The following PLXNA4 variants were observed in gnomAD, a reference collection of about 807,000 sequenced individuals.
PLXNA4 encodes plexin-A4.
Under a neutral mutation model 191.8 loss-of-function variants are expected in PLXNA4, and 44 were observed. That is an observed-to-expected ratio of 0.23 (90% CI 0.18 to 0.29). The LOEUF (loss-of-function observed/expected upper bound fraction) is 0.29. Among genes scored for constraint, PLXNA4 ranks in the 10% least tolerant of loss-of-function variants. The pLI is 1.00. For synonymous variants in PLXNA4, 1,082 were observed against 1,009.5 expected, an observed-to-expected ratio of 1.07 and a Z score of -1.36; for missense variants, 1,800 against 2,488.8, an observed-to-expected ratio of 0.72 and a Z score of 5.89.
intron 2 of PLXNA4, among the ~76,000 whole-genome samples, chr7:132,624,567 C>T (rs1160385571): frequency 1.3e-5 from 2 of 152,136 alleles, no homozygotes; most frequent in African/African-American, 4.8e-5. Flanking sequence ...AATTCAAAGC[C>T]CAAGTCCTAC....
At chr7:132,635,826 A>G (rs1056102975) in intron 2 of PLXNA4, among the ~76,000 whole-genome samples, 12 of 152,216 alleles carry the variant, frequency 7.9e-5, no homozygotes, top group African/African-American at 2.2e-4. Context: ...CAACAGCATC[A>G]GGAAGTTCCA....
chr7:132,561,263 C>A (rs981304364), intron 1 of PLXNA4, among the ~76,000 whole-genome samples: 1 of 152,006 alleles, frequency 6.6e-6, no homozygotes. Context: ...CTCTAAAACT[C>A]AACTGGATGC....
intron 25 of PLXNA4, among the ~76,000 whole-genome samples, chr7:132,158,071 C>A (rs1795846069): frequency 6.6e-6 from 1 of 152,218 alleles, no homozygotes; most frequent in South Asian, 2.1e-4. Flanking sequence ...GACACCTCCA[C>A]AGTGGAGGGA....
intron 2 of PLXNA4, among the ~76,000 whole-genome samples, chr7:132,635,917 A>C (rs1362819818): frequency 6.6e-6 from 1 of 152,230 alleles, no homozygotes; most frequent in East Asian, 1.9e-4. Flanking sequence ...GCATGTATTT[A>C]TCTGCAGGCA....
intron 2 of PLXNA4, among the ~76,000 whole-genome samples, chr7:132,634,313 C>G (rs112721663): frequency 0.014 from 2,056 of 152,292 alleles, 70 homozygotes; most frequent in African/African-American, 0.047. Flanking sequence ...CCCACTGCCA[C>G]TAGTCTGCCC....
intron 3 of PLXNA4, among the ~76,000 whole-genome samples, chr7:132,450,473 C>T (rs1369574314): frequency 6.6e-6 from 1 of 152,172 alleles, no homozygotes; most frequent in East Asian, 1.9e-4. Context: ...ACACCGTTTC[C>T]ACTGTTAATG....
chr7:132,310,301 C>T (rs17166324), intron 3 of PLXNA4, among the ~76,000 whole-genome samples: 6,943 of 152,262 alleles, frequency 0.046, 424 homozygotes, highest in Admixed American at 0.18. Flanking sequence ...CTAGTTAATA[C>T]GTAGCCGTGC....
chr7:132,266,361 G>C (rs1423434479), intron 4 of PLXNA4: 1 of 152,162 alleles, frequency 6.6e-6, no homozygotes, highest in Non-Finnish European at 1.5e-5. Context: ...TAAACATCGT[G>C]CTAGGTAATG....
intron 3 of PLXNA4, among the ~76,000 whole-genome samples, chr7:132,331,610 A>G (rs1407309329): frequency 1.3e-5 from 2 of 152,188 alleles, no homozygotes; most frequent in African/African-American, 4.8e-5. Flanking sequence ...TGAACAGCTC[A>G]CTCAGCCATT....
rs920951506 is a variant in PLXNA4, at chr7:132,181,749, A to G, written c.3253-129T>C. 17 of 1,451,558 alleles carry G rather than the reference A, an allele frequency of 1.2e-5. No individual in the cohort carries two copies. The South Asian group carries it at 2.2e-4, about 18-fold the overall frequency. The allele number at this position is 1,451,558 out of a possible 1,614,324, so 89.9% of individuals were successfully genotyped here. ...TTGACAAGAGGATTAGAGATGAGTC[A>G]GGGCCACACAATTGGGCACTCAAGG... is the stretch of plus-strand genomic sequence containing the variant. On this transcript the variant is annotated intron_variant, in intron 17 of 31. Transcript: ENST00000321063.
At chr7:132,351,999 A>G (rs912302559) in intron 3 of PLXNA4, among the ~76,000 whole-genome samples, 1 of 152,172 alleles carries the variant, frequency 6.6e-6, no homozygotes, top group African/African-American at 2.4e-5. Context: ...ACAGAGTGCT[A>G]TTTTAAGGCT....
At chr7:132,259,436 C>CAAAAAAAAAAAAAAAAAAA (rs55902635) in intron 4 of PLXNA4, among the ~76,000 whole-genome samples, 36 of 33,868 alleles carry the variant, frequency 1.1e-3, no homozygotes, top group African/African-American at 2.8e-3. Flanking sequence ...AACTCCAACT[C>CAAAAAAAAAAAAAAAAAAA]AAAAAAAAAA....
chr7:132,318,842 G>A (rs189362145), intron 3 of PLXNA4, among the ~76,000 whole-genome samples: 5 of 152,116 alleles, frequency 3.3e-5, no homozygotes, highest in African/African-American at 1.2e-4. Context: ...TGTGTGCGCG[G>A]GTCTCTGCCT....
chr7:132,172,209 A>T (rs1796307779), intron 21 of PLXNA4, among the ~76,000 whole-genome samples: 1 of 152,202 alleles, frequency 6.6e-6, no homozygotes, highest in Non-Finnish European at 1.5e-5. Context: ...AATTTAGTTG[A>T]AGTCTGTGAG....
intron 4 of PLXNA4, among the ~76,000 whole-genome samples, chr7:132,291,140 G>A (rs755170675): frequency 6.6e-6 from 1 of 152,042 alleles, no homozygotes; most frequent in Non-Finnish European, 1.5e-5. Flanking sequence ...CCCGTCCGGT[G>A]TCCTCAAAAA....
intron 4 of PLXNA4, among the ~76,000 whole-genome samples, chr7:132,270,492 C>G (rs1165317462): frequency 6.6e-6 from 1 of 152,154 alleles, no homozygotes; most frequent in Non-Finnish European, 1.5e-5. Context: ...AAGGTTGTTC[C>G]TTAAAATTTA....
chr7:132,464,037 G>T (rs1796609558), intron 3 of PLXNA4, among the ~76,000 whole-genome samples: 1 of 152,248 alleles, frequency 6.6e-6, no homozygotes, highest in South Asian at 2.1e-4. Flanking sequence ...AAAGGCAGGG[G>T]AGGGGAGTGG....
intron 3 of PLXNA4, among the ~76,000 whole-genome samples, chr7:132,467,399 AG>A (rs1156619236): frequency 2.0e-5 from 3 of 152,210 alleles, no homozygotes; most frequent in Non-Finnish European, 4.4e-5. Flanking sequence ...GTCCCCCTGC[AG>A]GGGACCCGTG....
intron 4 of PLXNA4, among the ~76,000 whole-genome samples, chr7:132,284,548 A>G (rs529464987): frequency 6.6e-6 from 1 of 152,122 alleles, no homozygotes; most frequent in Non-Finnish European, 1.5e-5. Context: ...CCCTAGCCAA[A>G]GGCCACGTCT....
Sources: gnomAD v4.1 joint callset for allele counts (sites outside exome capture counted in the v4.1 genomes callset) on GRCh38, gnomAD v4.1.1 for gene constraint, MANE v1.5 for transcripts, NCBI Gene and HGNC (gene_info 2026-07-23, HGNC 2026-07-21) for gene names.